The following HHAT variants were observed in gnomAD, a reference collection of about 807,000 sequenced individuals.
HHAT encodes the protein hedgehog acyltransferase, also known as protein-cysteine N-palmitoyltransferase HHAT.
HHAT carries 47 observed loss-of-function variants against 70.8 expected under a neutral mutation model. The ratio of observed to expected loss-of-function variants is 0.66; its 90% CI spans 0.53 to 0.85. The LOEUF (loss-of-function observed/expected upper bound fraction) is 0.85. Ranked by LOEUF, HHAT falls within the 40% of genes least tolerant of loss-of-function variation. HHAT has a pLI of 0.00. For synonymous variants in HHAT, 228 were observed against 247.6 expected (o/e 0.92, Z 0.74); for missense variants, 609 against 604.8 (o/e 1.01, Z -0.07).
intron 11 of HHAT, among the ~76,000 whole-genome samples, chr1:210,665,607 TG>T (rs1462268491): frequency 3.3e-5 from 5 of 151,956 alleles, no homozygotes; most frequent in Non-Finnish European, 7.4e-5. Context: ...CTTGCCTTGG[TG>T]GAAGGAGGGA....
intron 6 of HHAT, among the ~76,000 whole-genome samples, chr1:210,408,081 A>G (rs2092401805): frequency 2.0e-5 from 3 of 152,176 alleles, no homozygotes; most frequent in Non-Finnish European, 4.4e-5. Flanking sequence ...TTATCAGTGA[A>G]ATGGGAAGAA....
chr1:210,506,092 A>G (rs1220923039), intron 8 of HHAT, among the ~76,000 whole-genome samples: 2 of 152,216 alleles, frequency 1.3e-5, no homozygotes, highest in African/African-American at 4.8e-5. Flanking sequence ...GCTAGGTGAT[A>G]TACAAACCTC....
At chr1:210,664,938 A>G (rs1375869665) in intron 11 of HHAT, among the ~76,000 whole-genome samples, 13 of 152,224 alleles carry the variant, frequency 8.5e-5, no homozygotes, top group Admixed American at 8.5e-4. Flanking sequence ...AGAGGCCCCC[A>G]AATTCATCAG....
chr1:210,478,530 A>G (rs1009392051), intron 8 of HHAT, among the ~76,000 whole-genome samples: 3 of 152,088 alleles, frequency 2.0e-5, no homozygotes, highest in African/African-American at 7.2e-5. Context: ...ATCTAAGAAA[A>G]TCTTTAGCAG....
intron 7 of HHAT, among the ~76,000 whole-genome samples, chr1:210,448,725 C>G (rs1325363591): frequency 1.3e-5 from 2 of 152,138 alleles, no homozygotes; most frequent in African/African-American, 4.8e-5. Flanking sequence ...TAAAAAAATT[C>G]TCAACTTACT....
chr1:210,564,502 A>G (rs2095651958), intron 9 of HHAT, among the ~76,000 whole-genome samples: 1 of 152,244 alleles, frequency 6.6e-6, no homozygotes, highest in African/African-American at 2.4e-5. Context: ...TGAACAGAAC[A>G]GTTTCCTGAA....
chr1:210,588,112 C>G lies in HHAT; in HGVS notation c.1245+13C>G. The stretch of plus-strand genomic sequence containing the variant: ...CCAGGACAGTCTGGTGAGCAGGATC[C>G]TTGCTGCTGTGTTAGGGGACAGTGG... On this transcript the variant is annotated intron_variant, in intron 10 of 11. Transcript: ENST00000261458. 1 of 1,586,920 alleles carries G rather than the reference C, an allele frequency of 6.3e-7. No homozygotes were observed. Among genetic ancestry groups the G allele is most frequent in the South Asian group, 1.1e-5 (1 of 88,516 alleles).
intron 11 of HHAT, among the ~76,000 whole-genome samples, chr1:210,634,340 C>T (rs896090497): frequency 3.3e-5 from 5 of 152,116 alleles, no homozygotes; most frequent in African/African-American, 1.2e-4. Flanking sequence ...TCCGTTTTTC[C>T]CCATTGTTTA....
Position 210,400,561 on chromosome 1 carries a change from A to G in HHAT, c.367A>G (p.Ile123Val). The change falls in exon 5 of 12, where the codon ATC becomes GTC. Residue 123 changes from isoleucine (I) to valine (V), a missense_variant. Coordinates refer to ENST00000261458, the MANE Select transcript of HHAT (RefSeq NM_018194.6). ...GVAMVLLHTTISFCVAQFRSQ... is the reference protein window; with the variant it reads ...GVAMVLLHTTVSFCVAQFRSQ... ...GGCTATGGTTTTGCTCCATACCACC[A>G]TCTCTTTCTGCGTGGCCCAGTTCCG... 6.2e-7 allele frequency: 1 copy of G among 1,614,054 alleles called. No homozygotes were observed. The highest frequency in any genetic ancestry group is 1.3e-5 in the African/African-American group (1 of 74,990).
chr1:210,372,030 A>G (rs1355693470), intron 3 of HHAT, among the ~76,000 whole-genome samples: 1 of 152,202 alleles, frequency 6.6e-6, no homozygotes, highest in African/African-American at 2.4e-5. Flanking sequence ...ATTAAGAGGC[A>G]TTATTTCTCT....
At chr1:210,507,648 C>G (rs1325327233) in intron 8 of HHAT, among the ~76,000 whole-genome samples, 1 of 151,882 alleles carries the variant, frequency 6.6e-6, no homozygotes, top group Non-Finnish European at 1.5e-5. Context: ...CGTGAGCTAC[C>G]GCACCTGGCC....
chr1:210,336,287 A>ATTTTTTTTTTTTTTTTTTTTGTTTTTTTT (rs2085480853), intron 1 of HHAT, among the ~76,000 whole-genome samples: 1 of 84,626 alleles, frequency 1.2e-5, no homozygotes, highest in Non-Finnish European at 2.4e-5. Flanking sequence ...TGCCTGGCTA[A>ATTTTTTTTTTTTTTTTTTTTGTTTTTTTT]TTTTTTTTTT....
At chr1:210,652,225 GGAAA>G (rs1364550551) in intron 11 of HHAT, among the ~76,000 whole-genome samples, 3 of 151,898 alleles carry the variant, frequency 2.0e-5, no homozygotes, top group African/African-American at 7.3e-5. Flanking sequence ...AAGGAAGGAA[GGAAA>G]GAAAGAATGG....
chr1:210,568,458 C>T (rs558106840), intron 9 of HHAT, among the ~76,000 whole-genome samples: 77 of 152,236 alleles, frequency 5.1e-4, no homozygotes, highest in Non-Finnish European at 8.8e-4. Flanking sequence ...GTTATGTTAC[C>T]GATGGAGGGT....
At chr1:210,608,532 A>G (rs1665972234) in intron 10 of HHAT, among the ~76,000 whole-genome samples, 2 of 151,814 alleles carry the variant, frequency 1.3e-5, no homozygotes, top group Non-Finnish European at 2.9e-5. Context: ...TGCATTGGCT[A>G]GTTTTGCCTG....
At chr1:210,600,437 G>C (rs1216382332) in intron 10 of HHAT, among the ~76,000 whole-genome samples, 1 of 152,186 alleles carries the variant, frequency 6.6e-6, no homozygotes, top group East Asian at 1.9e-4. Flanking sequence ...CAGCAGCATA[G>C]ATACAAATAG....
Position 210,383,928 on chromosome 1 carries a change from C to T in HHAT, c.160-3540C>T, listed in dbSNP as rs372737856. On this transcript the variant is annotated intron_variant, in intron 3 of 11. Coordinates refer to ENST00000261458, the MANE Select transcript of HHAT (RefSeq NM_018194.6). ...TGAAGTTGAGTTGCAGCACTGTTAC[C>T]CCTCTCATTCTGCAGTGGGTTTTTG... is the stretch of plus-strand genomic sequence containing the variant. Among the ~76,000 whole-genome samples, 239 of 152,126 alleles carry T rather than the reference C, an allele frequency of 1.6e-3. 1 individual carries two copies. The highest frequency in any genetic ancestry group is 5.4e-3 in the African/African-American group (224 of 41,506).
At chr1:210,502,252 T>C (rs960546771) in intron 8 of HHAT, among the ~76,000 whole-genome samples, 2 of 151,218 alleles carry the variant, frequency 1.3e-5, no homozygotes, top group Non-Finnish European at 3.0e-5. Context: ...GGAGTGGTGG[T>C]GGGCGCCTGT....
chr1:210,357,819 C>T (rs2087812220), intron 2 of HHAT, among the ~76,000 whole-genome samples: 1 of 152,252 alleles, frequency 6.6e-6, no homozygotes, highest in African/African-American at 2.4e-5. Context: ...GACTCCATCT[C>T]AAAAAATAAA....
Sources: allele counts gnomAD v4.1 joint callset (sites outside exome capture counted in the v4.1 genomes callset), GRCh38; gene constraint gnomAD v4.1.1; transcripts MANE v1.5; gene names NCBI Gene and HGNC (gene_info 2026-07-23, HGNC 2026-07-21).